IGSF21: variants seen among roughly 807,000 people sequenced by gnomAD.
IGSF21 encodes the protein immunoglobulin superfamily member 21.
In IGSF21, 28 loss-of-function variants were observed where a neutral mutation model predicts 46.8. That is an observed-to-expected ratio of 0.60 (90% CI 0.44 to 0.82). The LOEUF (loss-of-function observed/expected upper bound fraction) is 0.82, where lower values mean the gene tolerates loss of function less well. Among genes scored for constraint, IGSF21 ranks in the 40% least tolerant of loss-of-function variants. IGSF21 has a pLI of 0.00. For missense variants in IGSF21, 624 were observed against 665.5 expected (o/e 0.94, Z 0.69); for synonymous variants, 284 against 273.6 (o/e 1.04, Z -0.38).
At chr1:18,111,147 G>C (rs546756118) in intron 1 of IGSF21, 1 of 152,282 alleles carries the variant, frequency 6.6e-6, no homozygotes, top group African/African-American at 2.4e-5. Context: ...CCCTTCACAC[G>C]CCCCCTTCCC....
intron 1 of IGSF21, among the ~76,000 whole-genome samples, chr1:18,134,462 A>C (rs1033261822): frequency 2.0e-5 from 3 of 152,144 alleles, no homozygotes; most frequent in African/African-American, 7.2e-5. Context: ...ATGCCAGCTC[A>C]TCTCCCTGGG....
chr1:18,268,685 A>G (rs965319431), intron 2 of IGSF21, among the ~76,000 whole-genome samples: 7 of 152,230 alleles, frequency 4.6e-5, no homozygotes, highest in African/African-American at 9.6e-5. Context: ...CTTGCAAAAC[A>G]AAAGGCAATT....
At chr1:18,185,831 T>A (rs997334717) in intron 1 of IGSF21, among the ~76,000 whole-genome samples, 1 of 152,136 alleles carries the variant, frequency 6.6e-6, no homozygotes, top group Non-Finnish European at 1.5e-5. Context: ...GGAGAGCTGG[T>A]CATGTGTTTG....
At chr1:18,125,048 C>T (rs548579929) in intron 1 of IGSF21, among the ~76,000 whole-genome samples, 62 of 152,164 alleles carry the variant, frequency 4.1e-4, no homozygotes, top group African/African-American at 1.4e-3. Flanking sequence ...TACTGTGCAA[C>T]GTTCTGGGAA....
intron 1 of IGSF21, among the ~76,000 whole-genome samples, chr1:18,143,685 G>C (rs1037874067): frequency 6.6e-6 from 1 of 152,234 alleles, no homozygotes; most frequent in East Asian, 1.9e-4. Context: ...CTGTCTGTGC[G>C]ACCCCTGGAT....
intron 1 of IGSF21, among the ~76,000 whole-genome samples, chr1:18,132,641 C>T (rs1426750777): frequency 6.6e-6 from 1 of 152,102 alleles, no homozygotes; most frequent in African/African-American, 2.4e-5. Flanking sequence ...GGGAGGGAAG[C>T]CCCTTTTCTT....
intron 2 of IGSF21, among the ~76,000 whole-genome samples, chr1:18,282,299 C>T (rs905259910): frequency 7.2e-5 from 11 of 152,052 alleles, no homozygotes; most frequent in Non-Finnish European, 1.3e-4. Context: ...GATGGGCTTC[C>T]GGGGAAACTG....
chr1:18,328,067 A>G (rs2085675329), intron 3 of IGSF21, among the ~76,000 whole-genome samples: 2 of 152,176 alleles, frequency 1.3e-5, no homozygotes, highest in South Asian at 4.1e-4. Context: ...TCCCTCTAAG[A>G]AGTAGACGGA....
intron 2 of IGSF21, among the ~76,000 whole-genome samples, chr1:18,233,224 T>C (rs1319022805): frequency 6.6e-6 from 1 of 152,232 alleles, no homozygotes; most frequent in Non-Finnish European, 1.5e-5. Context: ...AGTGATAACA[T>C]CCCTGCTTTC....
At chr1:18,224,498 C>T (rs1169709276) in intron 1 of IGSF21, among the ~76,000 whole-genome samples, 1 of 152,190 alleles carries the variant, frequency 6.6e-6, no homozygotes, top group Non-Finnish European at 1.5e-5. Context: ...TTATGTTTAT[C>T]ACCACTGGAC....
At chr1:18,171,299 C>A (rs1022135695) in intron 1 of IGSF21, among the ~76,000 whole-genome samples, 1 of 152,040 alleles carries the variant, frequency 6.6e-6, no homozygotes, top group Non-Finnish European at 1.5e-5. Context: ...CTGATGGGAT[C>A]CCTGGGGTCA....
At chr1:18,367,542 G>A (rs12123650) in intron 6 of IGSF21, among the ~76,000 whole-genome samples, 46,553 of 150,024 alleles carry the variant, frequency 0.31, 7,332 homozygotes, top group East Asian at 0.37. Context: ...GTCTTGACTG[G>A]TTATGGGACT....
At chr1:18,284,889 C>T (rs1241671245) in intron 2 of IGSF21, among the ~76,000 whole-genome samples, 2 of 152,228 alleles carry the variant, frequency 1.3e-5, no homozygotes. Flanking sequence ...TTAAAACCCT[C>T]CTTGCAAACA....
intron 4 of IGSF21, among the ~76,000 whole-genome samples, chr1:18,354,565 TGAGAG>T (rs764236108): frequency 4.6e-5 from 7 of 152,224 alleles, no homozygotes; most frequent in Non-Finnish European, 1.0e-4. Context: ...GCAGGCATGC[TGAGAG>T]GAAAGAATGG....
At position 18,376,947 on chromosome 1, in the gene IGSF21, AACCC is replaced by A; in HGVS notation, c.1252_1255del (p.Pro418TrpfsTer42). 6.2e-7 allele frequency: 1 copy of A among 1,607,264 alleles called. No individual in the cohort carries two copies. The highest frequency in any genetic ancestry group is 8.5e-7 in the Non-Finnish European group (1 of 1,174,436). On this transcript the variant is annotated frameshift_variant, in exon 8 of 10. Coordinates refer to ENST00000251296, the MANE Select transcript of IGSF21 (RefSeq NM_032880.5). LOFTEE classifies it high-confidence loss of function. ...CTCCATGTATCGCTGCACCGCCCAG[AACCC>A]ACTGGGCTCCACCGACACGCACACC...
chr1:18,294,859 T>C (rs769007988), intron 3 of IGSF21, among the ~76,000 whole-genome samples: 10 of 152,244 alleles, frequency 6.6e-5, no homozygotes, highest in Non-Finnish European at 1.2e-4. Flanking sequence ...CGACTGCCTC[T>C]TCAGGCTGCA....
chr1:18,226,287 A>T (rs765797442), intron 1 of IGSF21, among the ~76,000 whole-genome samples: 1 of 152,172 alleles, frequency 6.6e-6, no homozygotes. Flanking sequence ...TGTGTTGGGC[A>T]TCTCTGTCTC....
chr1:18,301,040 G>A (rs1240504579), intron 3 of IGSF21, among the ~76,000 whole-genome samples: 1 of 152,166 alleles, frequency 6.6e-6, no homozygotes, highest in East Asian at 1.9e-4. Context: ...ATTCCAATGT[G>A]GAATTATCAT....
At chr1:18,210,610 T>C (rs2084381628) in intron 1 of IGSF21, among the ~76,000 whole-genome samples, 1 of 152,158 alleles carries the variant, frequency 6.6e-6, no homozygotes, top group African/African-American at 2.4e-5. Flanking sequence ...AAGTTTGTTT[T>C]CTTACCTTTA....
Sources: allele counts gnomAD v4.1 joint callset (sites outside exome capture counted in the v4.1 genomes callset), GRCh38; gene constraint gnomAD v4.1.1; transcripts MANE v1.5; gene names NCBI Gene and HGNC (gene_info 2026-07-23, HGNC 2026-07-21).